Variants in EHBP1 observed in about 807,000 individuals in gnomAD.
EHBP1 encodes EH domain-binding protein 1.
Under a neutral mutation model 144.0 loss-of-function variants are expected in EHBP1, and 55 were observed. The observed-to-expected ratio is 0.38, with a 90% CI of 0.31 to 0.48. EHBP1 has a LOEUF of 0.48. EHBP1 is among the 20% of genes least tolerant of loss of function. EHBP1 has a pLI of 0.98. For missense variants in EHBP1, 1,200 were observed against 1,364.2 expected (o/e 0.88, Z 1.90); for synonymous variants, 469 against 472.7 (o/e 0.99, Z 0.10).
chr2:62,954,188 A>T (rs2057560888), intron 13 of EHBP1, among the ~76,000 whole-genome samples: 1 of 152,176 alleles, frequency 6.6e-6, no homozygotes, highest in Non-Finnish European at 1.5e-5. Context: ...ACTCCACATC[A>T]TGTAATGGAA....
intron 5 of EHBP1, among the ~76,000 whole-genome samples, chr2:62,797,869 A>G (rs1372283736): frequency 3.3e-5 from 5 of 152,184 alleles, no homozygotes. Context: ...AGCCTTAACT[A>G]TTTAACAAGG....
intron 19 of EHBP1, among the ~76,000 whole-genome samples, chr2:63,021,413 C>G (rs577102950): frequency 1.3e-5 from 2 of 152,144 alleles, no homozygotes; most frequent in Non-Finnish European, 2.9e-5. Context: ...AGATTAATAA[C>G]TAGGAGGAAG....
chr2:62,942,624 C>A, intron 10 of EHBP1, 94 bp from the exon 11 acceptor site: 1 of 1,107,452 alleles, frequency 9.0e-7, no homozygotes, highest in Non-Finnish European at 1.2e-6. Flanking sequence ...AAACTGACAT[C>A]AAAGGGTTCA....
At chr2:62,818,266 G>A (rs893994197) in intron 5 of EHBP1, among the ~76,000 whole-genome samples, 2 of 148,894 alleles carry the variant, frequency 1.3e-5, no homozygotes, top group African/African-American at 2.5e-5. Context: ...CAGTCTGCAA[G>A]CTCCATTCAT....
At position 62,735,353 on chromosome 2, in the gene EHBP1, C is replaced by T. The variant is rs145312274; in HGVS notation, c.105-12042C>T. Among the ~76,000 whole-genome samples, 142 of 151,860 alleles carry T rather than the reference C, an allele frequency of 9.4e-4. 1 individual carries two copies. The highest frequency in any genetic ancestry group is 3.3e-3 in the African/African-American group (135 of 41,380). Reference sequence around the variant, plus strand: ...CTAATCCAGGTCCACTTTCAAGTAACACTGTACCTTTCTACAGGTTGTGTG... The same window carrying T: ...CTAATCCAGGTCCACTTTCAAGTAATACTGTACCTTTCTACAGGTTGTGTG... On this transcript the variant is annotated intron_variant, in intron 2 of 22. Coordinates refer to ENST00000431489, the MANE Select transcript of EHBP1 (RefSeq NM_001142616.3).
Position 62,820,737 on chromosome 2 carries a change from AATATATATATATATATATATATAT to A in EHBP1, c.313-5329_313-5306del, listed in dbSNP as rs57039974. Among the ~76,000 whole-genome samples the A allele has an allele frequency of 7.3e-4, 40 of 54,644 alleles. 1 individual carries two copies. In the South Asian group the frequency reaches 0.013, roughly 18 times the overall value. 35.8% of individuals were successfully genotyped at this position (54,644 alleles called of 152,430 possible). ...TGTGTGTGTGTGTGTGTGTGTGTAT[AATATATATATATATATATATATAT>A]ATATATATATATATATATATGCACA... On this transcript the variant is annotated intron_variant, in intron 5 of 22. Transcript: ENST00000431489.
At chr2:62,820,608 T>G (rs2152566317) in intron 5 of EHBP1, among the ~76,000 whole-genome samples, 1 of 151,464 alleles carries the variant, frequency 6.6e-6, no homozygotes, top group Non-Finnish European at 1.5e-5. Flanking sequence ...ATATTTGTCC[T>G]TTTGTGTTTG....
intron 2 of EHBP1, among the ~76,000 whole-genome samples, chr2:62,731,590 T>A (rs2037607834): frequency 1.3e-5 from 2 of 152,172 alleles, no homozygotes; most frequent in Non-Finnish European, 2.9e-5. Context: ...TTTTCCTAGT[T>A]GTCTGAGAGT....
At chr2:62,727,922 A>C (rs769111666) in intron 2 of EHBP1, among the ~76,000 whole-genome samples, 1 of 152,224 alleles carries the variant, frequency 6.6e-6, no homozygotes, top group African/African-American at 2.4e-5. Flanking sequence ...TGAGTCTGTG[A>C]AACAGCTGGT....
intron 2 of EHBP1, among the ~76,000 whole-genome samples, chr2:62,729,109 A>G (rs1372096153): frequency 6.6e-6 from 1 of 151,038 alleles, no homozygotes; most frequent in African/African-American, 2.4e-5. Flanking sequence ...ACGTAAGACA[A>G]TACAATCAGT....
chr2:62,724,256 T>C (rs1429356657), intron 2 of EHBP1, among the ~76,000 whole-genome samples: 2 of 152,222 alleles, frequency 1.3e-5, no homozygotes, highest in Non-Finnish European at 2.9e-5. Flanking sequence ...CTCCACTTGG[T>C]CTGTTCTGCT....
chr2:62,874,595 A>C, intron 10 of EHBP1, 63 bp downstream of exon 10: 1 of 1,395,362 alleles, frequency 7.2e-7, no homozygotes, highest in Non-Finnish European at 9.7e-7. Context: ...GTGCCATTTA[A>C]TTTAAATTAA....
At chr2:63,007,462 T>G (rs1381540233) in intron 19 of EHBP1, among the ~76,000 whole-genome samples, 1 of 151,804 alleles carries the variant, frequency 6.6e-6, no homozygotes, top group African/African-American at 2.4e-5. Flanking sequence ...TGTGTGTGTA[T>G]AAAATATTTG....
chr2:63,006,151 A>G (rs1233795546), intron 19 of EHBP1, among the ~76,000 whole-genome samples: 1 of 152,026 alleles, frequency 6.6e-6, no homozygotes, highest in Non-Finnish European at 1.5e-5. Context: ...CTAAGATGGT[A>G]TCTTACATTC....
intron 1 of EHBP1, among the ~76,000 whole-genome samples, chr2:62,674,887 T>C (rs1254454126): frequency 6.6e-6 from 1 of 152,200 alleles, no homozygotes; most frequent in East Asian, 1.9e-4. Flanking sequence ...TGTCTCGGTC[T>C]CCCAAAGCAC....
chr2:62,776,177 T>C (rs2042040884), intron 5 of EHBP1, among the ~76,000 whole-genome samples: 1 of 152,208 alleles, frequency 6.6e-6, no homozygotes, highest in African/African-American at 2.4e-5. Flanking sequence ...TTTGTGCAAA[T>C]TGACATAATG....
chr2:62,887,733 TGATA>T (rs2052062383), intron 10 of EHBP1, among the ~76,000 whole-genome samples: 1 of 151,978 alleles, frequency 6.6e-6, no homozygotes. Context: ...ATCAAATAAT[TGATA>T]GATTGATACC....
intron 3 of EHBP1, among the ~76,000 whole-genome samples, chr2:62,752,733 A>G (rs370847032): frequency 3.9e-5 from 6 of 152,166 alleles, no homozygotes; most frequent in South Asian, 2.1e-4. Flanking sequence ...CCATTATGTA[A>G]TGGCCTTCTT....
intron 10 of EHBP1, among the ~76,000 whole-genome samples, chr2:62,901,993 T>A (rs2053454654): frequency 6.6e-6 from 1 of 151,984 alleles, no homozygotes; most frequent in African/African-American, 2.4e-5. Context: ...TTCAGCAATG[T>A]ACTACCAAGT....
Sources: allele counts gnomAD v4.1 joint callset (sites outside exome capture counted in the v4.1 genomes callset), GRCh38; gene constraint gnomAD v4.1.1; transcripts MANE v1.5; gene names NCBI Gene and HGNC (gene_info 2026-07-23, HGNC 2026-07-21).